KCNK1: variants seen among roughly 807,000 people sequenced by gnomAD.
KCNK1 encodes the protein potassium channel subfamily K member 1.
In KCNK1, 10 loss-of-function variants were observed where a neutral mutation model predicts 22.2. The ratio of observed to expected loss-of-function variants is 0.45; its 90% confidence interval spans 0.28 to 0.76. KCNK1 has a LOEUF of 0.76. Among genes scored for constraint, KCNK1 ranks in the 30% least tolerant of loss-of-function variants. The probability of loss-of-function intolerance (pLI) is 0.14; values close to 1 mark genes in which losing one functional copy is unlikely to be tolerated. For synonymous variants in KCNK1, 200 were observed against 186.4 expected, an observed-to-expected ratio of 1.07 and a Z score of -0.60; for missense variants, 378 against 421.0, an observed-to-expected ratio of 0.90 and a Z score of 0.89.
chr1:233,662,864 G>C (rs575459100), intron 1 of KCNK1, among the ~76,000 whole-genome samples: 1 of 152,134 alleles, frequency 6.6e-6, no homozygotes, highest in Non-Finnish European at 1.5e-5. Context: ...CAAAAATTAT[G>C]TGATGACTGG....
chr1:233,650,611 G>A (rs569536374), intron 1 of KCNK1, among the ~76,000 whole-genome samples: 1 of 152,096 alleles, frequency 6.6e-6, no homozygotes, highest in East Asian at 1.9e-4. Flanking sequence ...TGTTTTACAT[G>A]GATTGTTTCA....
chr1:233,635,730 G>C (rs1439594071), intron 1 of KCNK1, among the ~76,000 whole-genome samples: 2 of 152,118 alleles, frequency 1.3e-5, no homozygotes, highest in East Asian at 3.8e-4. Context: ...GTTTTTAGAT[G>C]CTGAGGAACA....
chr1:233,615,556 A>G (rs888064406), intron 1 of KCNK1, among the ~76,000 whole-genome samples: 20 of 152,318 alleles, frequency 1.3e-4, no homozygotes, highest in East Asian at 3.9e-4. Flanking sequence ...ATGAGATCCA[A>G]TCTTTGAAAT....
intron 1 of KCNK1, among the ~76,000 whole-genome samples, chr1:233,649,766 T>C (rs1046339333): frequency 6.6e-6 from 1 of 152,210 alleles, no homozygotes; most frequent in African/African-American, 2.4e-5. Context: ...TACCTTTTAA[T>C]ACTATTGCAT....
intron 1 of KCNK1, chr1:233,636,460 A>G (rs982385360): frequency 6.6e-6 from 1 of 152,244 alleles, no homozygotes; most frequent in Non-Finnish European, 1.5e-5. Context: ...AGTGAAAGAG[A>G]GAACAAGAGA....
At chr1:233,652,640 TA>T (rs1160620903) in intron 1 of KCNK1, among the ~76,000 whole-genome samples, 1 of 152,178 alleles carries the variant, frequency 6.6e-6, no homozygotes, top group African/African-American at 2.4e-5. Context: ...GGGGGTGATT[TA>T]AAGGTTTCAG....
At chr1:233,651,722 G>A (rs1658204731) in intron 1 of KCNK1, among the ~76,000 whole-genome samples, 1 of 152,222 alleles carries the variant, frequency 6.6e-6, no homozygotes, top group South Asian at 2.1e-4. Context: ...TTGATAGACA[G>A]GCAGATGGGA....
chr1:233,664,073 G>T (rs1300466327), intron 1 of KCNK1, among the ~76,000 whole-genome samples: 1 of 151,904 alleles, frequency 6.6e-6, no homozygotes. Context: ...CTCGTGATCC[G>T]CCCGCCTCGC....
At chr1:233,633,080 T>C (rs1405044024) in intron 1 of KCNK1, among the ~76,000 whole-genome samples, 1 of 151,896 alleles carries the variant, frequency 6.6e-6, no homozygotes, top group Non-Finnish European at 1.5e-5. Flanking sequence ...ATTTCAATGA[T>C]AACTGTGTTG....
At chr1:233,633,119 A>T (rs1037875660) in intron 1 of KCNK1, among the ~76,000 whole-genome samples, 3 of 151,544 alleles carry the variant, frequency 2.0e-5, no homozygotes, top group Non-Finnish European at 4.4e-5. Flanking sequence ...ATATGAAAAT[A>T]GCAATGAGAG....
At chr1:233,625,472 A>G (rs1167350608) in intron 1 of KCNK1, among the ~76,000 whole-genome samples, 1 of 152,070 alleles carries the variant, frequency 6.6e-6, no homozygotes, top group East Asian at 1.9e-4. Context: ...TCCAGATTTT[A>G]TGGCTAGCCT....
Position 233,671,408 on chromosome 1 carries a change from G to T in KCNK1, c.889G>T (p.Asp297Tyr), listed in dbSNP as rs778013725. The change falls in exon 3 of 3, where the codon GAC (aspartate) becomes TAC (tyrosine). Residue 297 changes from aspartate (D) to tyrosine (Y), a missense_variant. By Grantham distance (160) the Asp-to-Tyr change is radical. Coordinates refer to ENST00000366621, the MANE Select transcript of KCNK1 (RefSeq NM_002245.4). ...GGATCAGGTGCACATCATAGAGCAT[G>T]ACCAACTGTCCTTCTCCTCGATCAC... ...DEDQVHIIEH[D>Y]QLSFSSITDQ... 2.2e-5 allele frequency: 35 copies of T among 1,614,048 alleles called. No individual in the cohort carries two copies. Among genetic ancestry groups the T allele is most frequent in the Non-Finnish European group, 2.9e-5 (34 of 1,180,046 alleles).
chr1:233,637,470 T>G (rs1287348596), intron 1 of KCNK1: 1 of 152,236 alleles, frequency 6.6e-6, no homozygotes, highest in East Asian at 1.9e-4. Context: ...TTTTAAAAAC[T>G]CACCAATATA....
chr1:233,644,258 G>A (rs1188057114), intron 1 of KCNK1, among the ~76,000 whole-genome samples: 11 of 152,150 alleles, frequency 7.2e-5, no homozygotes, highest in Non-Finnish European at 1.6e-4. Context: ...ACACCACCCA[G>A]AAGGCCCCAA....
intron 1 of KCNK1, among the ~76,000 whole-genome samples, chr1:233,634,004 C>T (rs1657853177): frequency 6.6e-6 from 1 of 152,070 alleles, no homozygotes. Context: ...TAGACACACA[C>T]AATAAGAATA....
chr1:233,632,086 G>A (rs1433376415), intron 1 of KCNK1, among the ~76,000 whole-genome samples: 1 of 152,184 alleles, frequency 6.6e-6, no homozygotes, highest in Non-Finnish European at 1.5e-5. Context: ...ACTGGAACAG[G>A]AAAACATTGC....
chr1:233,629,749 C>T (rs932047248), intron 1 of KCNK1: 15 of 152,146 alleles, frequency 9.9e-5, no homozygotes, highest in African/African-American at 2.2e-4. Context: ...TGTGATGCTC[C>T]GTAGTCGCAG....
intron 1 of KCNK1, chr1:233,630,007 G>GT (rs1248345577): frequency 1.3e-5 from 2 of 152,148 alleles, no homozygotes; most frequent in Admixed American, 1.3e-4. Context: ...CCCCAGTTCT[G>GT]TGTCTCTTCA....
intron 1 of KCNK1, among the ~76,000 whole-genome samples, chr1:233,628,226 T>C (rs566229396): frequency 2.0e-5 from 3 of 152,110 alleles, no homozygotes; most frequent in African/African-American, 4.8e-5. Flanking sequence ...ATCGGTGATA[T>C]CAGGCTGAAT....
Sources: gnomAD v4.1 joint callset for allele counts (sites outside exome capture counted in the v4.1 genomes callset) on GRCh38, gnomAD v4.1.1 for gene constraint, MANE v1.5 for transcripts, NCBI Gene and HGNC (gene_info 2026-07-23, HGNC 2026-07-21) for gene names.